TEC: variants seen among roughly 807,000 people sequenced by gnomAD.
The protein encoded by TEC is tyrosine-protein kinase Tec.
TEC carries 72 observed loss-of-function variants against 93.0 expected under a neutral mutation model. The ratio of observed to expected loss-of-function variants is 0.77; its 90% CI spans 0.64 to 0.94. TEC has a LOEUF of 0.94. Among genes scored for constraint, TEC ranks in the 40% least tolerant of loss-of-function variants. The probability of loss-of-function intolerance (pLI) is 0.00; values close to 1 mark genes in which losing one functional copy is unlikely to be tolerated. For synonymous variants in TEC, 249 were observed against 247.7 expected (o/e 1.01, Z -0.05); for missense variants, 630 against 757.9 (o/e 0.83, Z 1.98).
chr4:48,217,198 G>T (rs1723108369), intron 2 of TEC, among the ~76,000 whole-genome samples: 1 of 152,112 alleles, frequency 6.6e-6, no homozygotes, highest in South Asian at 2.1e-4. Flanking sequence ...CTGCCTCCCA[G>T]GTTCAAACGA....
intron 2 of TEC, among the ~76,000 whole-genome samples, chr4:48,183,534 G>A (rs1053639244): frequency 1.3e-5 from 2 of 152,226 alleles, no homozygotes; most frequent in Admixed American, 6.5e-5. Context: ...CAAAGGGAAA[G>A]CGAACTCTTT....
intron 17 of TEC, 96 bp from the exon 18 acceptor site, chr4:48,137,595 GAC>G: frequency 1.0e-6 from 1 of 1,002,444 alleles, no homozygotes; most frequent in Non-Finnish European, 1.5e-6. Context: ...ATTACAGAGA[GAC>G]TTCACTGCTT....
rs1407544738 is a variant in TEC, at chr4:48,137,344, A to G, written c.*72T>C. On this transcript the variant is annotated 3_prime_UTR_variant, in exon 18 of 18. Transcript: ENST00000381501. ...AATGATCTACATGTCCAAGTGCTCA[A>G]TAAATTAAAAGCCACAAAATGCCCA... is the stretch of plus-strand genomic sequence containing the variant. 3.2e-6 allele frequency: 4 copies of G among 1,262,476 alleles called. No homozygotes were observed. Among genetic ancestry groups the G allele is most frequent in the Non-Finnish European group, 4.6e-6 (4 of 873,894 alleles). 78.2% of individuals were successfully genotyped at this position (1,262,476 alleles called of 1,614,324 possible).
intron 11 of TEC, among the ~76,000 whole-genome samples, chr4:48,147,264 C>G (rs191369882): frequency 1.3e-5 from 2 of 152,282 alleles, no homozygotes; most frequent in East Asian, 3.9e-4. Flanking sequence ...ATACCCATAA[C>G]TAGGTAAATA....
At chr4:48,142,395 C>A (rs1416119206) in intron 14 of TEC, among the ~76,000 whole-genome samples, 1 of 152,136 alleles carries the variant, frequency 6.6e-6, no homozygotes, top group Non-Finnish European at 1.5e-5. Context: ...ATTGCTTGAA[C>A]CCATGAGGTG....
chr4:48,223,251 T>C (rs1176278035), intron 2 of TEC, among the ~76,000 whole-genome samples: 1 of 152,142 alleles, frequency 6.6e-6, no homozygotes, highest in Non-Finnish European at 1.5e-5. Context: ...TTCTCTTCCA[T>C]CACAAAGAAA....
chr4:48,184,947 T>G (rs1334017199), intron 2 of TEC, among the ~76,000 whole-genome samples: 1 of 152,222 alleles, frequency 6.6e-6, no homozygotes, highest in African/African-American at 2.4e-5. Context: ...ATTTAGTTTG[T>G]GAACTTGGTT....
At chr4:48,203,984 G>A (rs898413807) in intron 2 of TEC, among the ~76,000 whole-genome samples, 28 of 152,202 alleles carry the variant, frequency 1.8e-4, no homozygotes, top group African/African-American at 6.8e-4. Flanking sequence ...ACTGGGGGAA[G>A]GAGGATACAA....
intron 9 of TEC, among the ~76,000 whole-genome samples, chr4:48,154,573 A>G (rs889528884): frequency 1.3e-5 from 2 of 152,200 alleles, no homozygotes; most frequent in African/African-American, 2.4e-5. Context: ...AAGATAGGAT[A>G]TGGTTTTTGC....
At chr4:48,187,110 G>C (rs1721906032) in intron 2 of TEC, among the ~76,000 whole-genome samples, 1 of 152,232 alleles carries the variant, frequency 6.6e-6, no homozygotes, top group African/African-American at 2.4e-5. Context: ...GCCTTGGGAT[G>C]CTGTTAATCT....
At chr4:48,237,622 T>C (rs985200717) in intron 1 of TEC, among the ~76,000 whole-genome samples, 5 of 152,182 alleles carry the variant, frequency 3.3e-5, no homozygotes, top group African/African-American at 1.2e-4. Context: ...TCTCATCTTA[T>C]TAGGTTAAGT....
intron 2 of TEC, among the ~76,000 whole-genome samples, chr4:48,186,466 G>A (rs111562064): frequency 0.068 from 10,120 of 149,088 alleles, 823 homozygotes; most frequent in East Asian, 0.21. Context: ...CCTCTGCCCC[G>A]CCGCCCCGTC....
chr4:48,203,813 GA>G (rs1385421556), intron 2 of TEC, among the ~76,000 whole-genome samples: 1 of 152,214 alleles, frequency 6.6e-6, no homozygotes, highest in Non-Finnish European at 1.5e-5. Context: ...ATCAGAATTT[GA>G]AAGAACAGCC....
intron 1 of TEC, among the ~76,000 whole-genome samples, chr4:48,256,667 ACTTCTATCTT>A (rs1724355242): frequency 6.6e-6 from 1 of 151,484 alleles, no homozygotes; most frequent in South Asian, 2.1e-4. Flanking sequence ...TAAAAACTTT[ACTTCTATCTT>A]CCTAAAACCT....
intron 2 of TEC, among the ~76,000 whole-genome samples, chr4:48,184,849 A>C (rs1721737643): frequency 6.6e-6 from 1 of 151,842 alleles, no homozygotes; most frequent in Admixed American, 6.6e-5. Context: ...CAAATTAAGA[A>C]GACAAAATTT....
intron 2 of TEC, among the ~76,000 whole-genome samples, chr4:48,200,820 G>A (rs1374542662): frequency 4.6e-5 from 7 of 152,148 alleles, no homozygotes; most frequent in Non-Finnish European, 8.8e-5. Context: ...AGCCATCTTT[G>A]GCAAAAACAA....
chr4:48,145,223 A>C lies in TEC; in HGVS notation c.1326T>G (p.Thr442=), dbSNP rs747608853. 3.7e-6 allele frequency: 6 copies of C among 1,614,174 alleles called. No homozygotes were observed. In the South Asian group the frequency reaches 6.6e-5, roughly 18 times the overall value. The change falls in exon 14 of 18, where the codon ACT becomes ACG. Residue 442 remains threonine (T), a synonymous_variant. Transcript: ENST00000381501. Reference sequence around the variant, plus strand: ...GAAGGCAGCCCCTTTCCATGAACTCAGTAACAATGTATATTGGTTTCTGCT... The same window carrying C: ...GAAGGCAGCCCCTTTCCATGAACTCCGTAACAATGTATATTGGTTTCTGCT... ...CTQQKPIYIV[T]EFMERGCLLN...
Position 48,180,876 on chromosome 4 carries a change from G to A in TEC, c.139-4690C>T, listed in dbSNP as rs190281367. On this transcript the variant is annotated intron_variant, in intron 2 of 17. Coordinates refer to ENST00000381501, the MANE Select transcript of TEC (RefSeq NM_003215.3). ...GCAGGTGAAGAGTGAGTGTTGACAGGGAGGCTGGCTGGGCAACTGCCGTAA... is the reference window on the plus strand; with the variant it reads ...GCAGGTGAAGAGTGAGTGTTGACAGAGAGGCTGGCTGGGCAACTGCCGTAA... 3.4e-3 allele frequency among the ~76,000 whole-genome samples: 512 copies of A among 152,300 alleles called. 3 individuals are homozygous for A. Among genetic ancestry groups the A allele is most frequent in the Admixed American group, 0.024 (374 of 15,294 alleles).
In TEC at chr4:48,228,785, C is replaced by G. The variant is rs538170059; in HGVS notation, c.-45-126G>C. The stretch of plus-strand genomic sequence containing the variant: ...AGCAGATGAGTATTGATCTCTGTGC[C>G]CAAACTGAGAATGCCTGGGGCACAA... On this transcript the variant is annotated intron_variant, in intron 1 of 17. Transcript: ENST00000381501. 5 of 701,208 alleles carry G rather than the reference C, an allele frequency of 7.1e-6. No individual in the cohort carries two copies. In the East Asian group the frequency reaches 1.6e-4, roughly 23 times the overall value. The allele number at this position is 701,208 out of a possible 1,614,324, so 43.4% of individuals were successfully genotyped here. A position where few individuals can be genotyped will look rare whatever the true frequency, so the allele number is the denominator to read the frequency against.
Sources: allele counts gnomAD v4.1 joint callset (sites outside exome capture counted in the v4.1 genomes callset), GRCh38; gene constraint gnomAD v4.1.1; transcripts MANE v1.5; gene names NCBI Gene and HGNC (gene_info 2026-07-23, HGNC 2026-07-21).